Variants in RIPK2 observed in about 807,000 individuals in gnomAD.
RIPK2 encodes the protein receptor interacting serine/threonine kinase 2.
RIPK2 carries 38 observed loss-of-function variants against 60.9 expected under a neutral mutation model. The ratio of observed to expected loss-of-function variants is 0.62; its 90% CI spans 0.48 to 0.82. The LOEUF (loss-of-function observed/expected upper bound fraction) is 0.82, where lower values mean the gene tolerates loss of function less well. Ranked by LOEUF, RIPK2 falls within the 40% of genes least tolerant of loss-of-function variation. The pLI is 0.00. For missense variants in RIPK2, 518 were observed against 647.0 expected, an observed-to-expected ratio of 0.80 and a Z score of 2.16; for synonymous variants, 225 against 223.4, an observed-to-expected ratio of 1.01 and a Z score of -0.06.
intron 8 of RIPK2, among the ~76,000 whole-genome samples, chr8:89,785,598 T>C (rs1809573818): frequency 1.3e-5 from 2 of 152,270 alleles, no homozygotes; most frequent in Admixed American, 1.3e-4. Flanking sequence ...TATATACAAA[T>C]ATTCCAAAAT....
intron 9 of RIPK2, among the ~76,000 whole-genome samples, chr8:89,788,020 GAGAACATTGGTGCCATTAAA>G (rs1809614436): frequency 6.6e-6 from 1 of 152,070 alleles, no homozygotes; most frequent in Non-Finnish European, 1.5e-5. Context: ...TGGGGACTGG[GAGAACATTGGTGCCATTAAA>G]AGAAATAGAA....
intron 3 of RIPK2, 89 bp from the exon 4 acceptor site, chr8:89,769,683 T>C: frequency 2.5e-6 from 2 of 815,130 alleles, no homozygotes; most frequent in Non-Finnish European, 3.7e-6. Context: ...TGGTTTGATA[T>C]CTAAATACAG....
chr8:89,777,904 A>G (rs1355541749), intron 6 of RIPK2, among the ~76,000 whole-genome samples: 3 of 152,140 alleles, frequency 2.0e-5, no homozygotes, highest in African/African-American at 7.2e-5. Flanking sequence ...AAAAATCAAT[A>G]ATAAGGAAAG....
At chr8:89,787,777 T>C (rs1809610069) in intron 9 of RIPK2, among the ~76,000 whole-genome samples, 1 of 152,302 alleles carries the variant, frequency 6.6e-6, no homozygotes, top group Admixed American at 6.5e-5. Flanking sequence ...AGATTCATTC[T>C]GGCTGGAATG....
chr8:89,786,813 C>T, intron 9 of RIPK2, 127 bp downstream of exon 9: 1 of 661,234 alleles, frequency 1.5e-6, no homozygotes, highest in East Asian at 2.8e-5. Context: ...TGTAAAGCGA[C>T]AGAGTCTAAA....
intron 6 of RIPK2, among the ~76,000 whole-genome samples, chr8:89,779,498 T>C (rs1056865551): frequency 6.6e-6 from 1 of 151,888 alleles, no homozygotes; most frequent in Non-Finnish European, 1.5e-5. Flanking sequence ...TTTTTTGTAT[T>C]TTTAGTAGAG....
intron 8 of RIPK2, 79 bp downstream of exon 8, chr8:89,784,218 G>A (rs1586133157): frequency 2.3e-6 from 2 of 886,328 alleles, no homozygotes; most frequent in East Asian, 5.8e-5. Context: ...TTTGGTCTAA[G>A]CCCTTCTTTT....
In RIPK2 at chr8:89,758,814, A is replaced by G. The variant is rs547826829; in HGVS notation, c.173+581A>G. ...ATATTTTATTATTTGTTTATTGATT[A>G]TATGCTGAAATAACATTTTTGATAT... On this transcript the variant is annotated intron_variant, in intron 1 of 10. Coordinates refer to ENST00000220751, the MANE Select transcript of RIPK2 (RefSeq NM_003821.6). Among the ~76,000 whole-genome samples the G allele has an allele frequency of 2.0e-5, 3 of 152,306 alleles. No homozygotes were observed. In the South Asian group the frequency reaches 6.2e-4, roughly 32 times the overall value.
chr8:89,770,472 T>C (rs1809294506), intron 4 of RIPK2, among the ~76,000 whole-genome samples: 1 of 151,880 alleles, frequency 6.6e-6, no homozygotes, highest in South Asian at 2.1e-4. Context: ...GTAATAAGCA[T>C]AACACATTGT....
chr8:89,764,060 T>C (rs1167228571), intron 2 of RIPK2, among the ~76,000 whole-genome samples: 1 of 152,092 alleles, frequency 6.6e-6, no homozygotes, highest in African/African-American at 2.4e-5. Context: ...TCATAAAATA[T>C]ACAGTGAGCA....
intron 9 of RIPK2, among the ~76,000 whole-genome samples, chr8:89,787,385 A>T (rs1476215079): frequency 5.3e-5 from 8 of 152,206 alleles, no homozygotes; most frequent in African/African-American, 1.7e-4. Context: ...CTCATTTTAC[A>T]CATTTAAGGA....
chr8:89,776,769 G>A lies in RIPK2; in HGVS notation c.854-3306G>A, dbSNP rs547742673. On this transcript the variant is annotated intron_variant, in intron 6 of 10. Transcript: ENST00000220751. Reference sequence around the variant, plus strand: ...GAAGTGGTATTTAGTGTCTAGTTTGGGCCGTTAATTTAGAGAAACCAGCGA... The same window carrying A: ...GAAGTGGTATTTAGTGTCTAGTTTGAGCCGTTAATTTAGAGAAACCAGCGA... Among the ~76,000 whole-genome samples, 10 of 152,248 alleles carry A rather than the reference G, an allele frequency of 6.6e-5. No individual in the cohort carries two copies. The South Asian group carries it at 2.1e-3, about 31-fold the overall frequency.
intron 9 of RIPK2, among the ~76,000 whole-genome samples, chr8:89,787,860 G>A (rs892983811): frequency 2.0e-5 from 3 of 152,238 alleles, no homozygotes; most frequent in East Asian, 1.9e-4. Context: ...TGTAGTACCC[G>A]TGAGAGATTA....
At chr8:89,789,949 G>A (rs1292194396) in intron 10 of RIPK2, 130 bp from the exon 11 acceptor site, 4 of 624,814 alleles carry the variant, frequency 6.4e-6, no homozygotes, top group Non-Finnish European at 1.0e-5. Flanking sequence ...TCCCCAAAGT[G>A]TTGGTGTTCC....
At chr8:89,779,310 G>GTTTTTTTTTTTTTTTTTTTTTTTTTTTTT in intron 6 of RIPK2, among the ~76,000 whole-genome samples, 1 of 79,094 alleles carries the variant, frequency 1.3e-5, no homozygotes, top group Non-Finnish European at 2.1e-5. Context: ...CGGTTTTTGG[G>GTTTTTTTTTTTTTTTTTTTTTTTTTTTTT]TTTTTTTTTT....
intron 6 of RIPK2, among the ~76,000 whole-genome samples, chr8:89,774,033 TGTGATC>T (rs1231970394): frequency 6.6e-6 from 1 of 151,826 alleles, no homozygotes; most frequent in East Asian, 1.9e-4. Context: ...AATAGTGCAC[TGTGATC>T]GTGCCTATGA....
chr8:89,770,311 T>C (rs1340060511), intron 4 of RIPK2, among the ~76,000 whole-genome samples: 1 of 151,886 alleles, frequency 6.6e-6, no homozygotes. Context: ...TTTAGATAAA[T>C]AGACAAACTC....
chr8:89,772,961 C>T, intron 6 of RIPK2, 133 bp downstream of exon 6: 1 of 587,232 alleles, frequency 1.7e-6, no homozygotes, highest in East Asian at 3.1e-5. Context: ...TCTGTCTTAT[C>T]ATAGCATTTA....
intron 7 of RIPK2, among the ~76,000 whole-genome samples, chr8:89,781,572 C>CT (rs202003648): frequency 1.3e-5 from 2 of 151,832 alleles, no homozygotes; most frequent in Admixed American, 6.6e-5. Context: ...CAGGATTGTT[C>CT]TTTTTTTTAA....
Sources: gnomAD v4.1 joint callset for allele counts (sites outside exome capture counted in the v4.1 genomes callset) on GRCh38, gnomAD v4.1.1 for gene constraint, MANE v1.5 for transcripts, NCBI Gene and HGNC (gene_info 2026-07-23, HGNC 2026-07-21) for gene names.